CDKL5: variants seen among roughly 807,000 people sequenced by gnomAD.
CDKL5 encodes cyclin dependent kinase like 5.
A neutral mutation model predicts 61.7 loss-of-function variants in CDKL5; 8 were observed. The observed-to-expected ratio is 0.13, with a 90% CI of 0.08 to 0.23. The LOEUF is 0.23. Among genes scored for constraint, CDKL5 ranks in the 10% least tolerant of loss-of-function variants. The pLI is 1.00. For missense variants in CDKL5, 440 were observed against 734.5 expected, an observed-to-expected ratio of 0.60 and a Z score of 4.63; for synonymous variants, 275 against 272.3, an observed-to-expected ratio of 1.01 and a Z score of -0.10.
intron 1 of CDKL5, among the ~76,000 whole-genome samples, chrX:18,440,090 T>C (rs1178881205): frequency 1.8e-5 from 2 of 110,953 alleles, no homozygotes; most frequent in African/African-American, 6.6e-5. Context: ...TTTCTTAAAA[T>C]AGGACAGCAA....
intron 20 of CDKL5, among the ~76,000 whole-genome samples, chrX:18,648,791 G>C (rs1395451477): frequency 9.0e-6 from 1 of 111,281 alleles, no homozygotes; most frequent in African/African-American, 3.3e-5. Context: ...TGTGGGTAAG[G>C]CCGAGAGAAC....
chrX:18,530,549 A>G (rs1221144288), intron 3 of CDKL5, among the ~76,000 whole-genome samples: 5 of 110,995 alleles, frequency 4.5e-5, no homozygotes, highest in Non-Finnish European at 9.4e-5. Context: ...GTATGCTTAC[A>G]TTACCCATCT....
At chrX:18,530,070 T>G (rs1002048066) in intron 3 of CDKL5, among the ~76,000 whole-genome samples, 3 of 110,935 alleles carry the variant, frequency 2.7e-5, no homozygotes, top group Admixed American at 9.6e-5. Context: ...GGCTCACGCC[T>G]GTAATCCCAG....
chrX:18,579,257 T>A (rs1925396577), intron 5 of CDKL5, among the ~76,000 whole-genome samples: 1 of 112,072 alleles, frequency 8.9e-6, no homozygotes, highest in African/African-American at 3.2e-5. Context: ...GCATGAATTT[T>A]AGTTATAATG....
chrX:18,607,874 T>C (rs1315054776), intron 12 of CDKL5, among the ~76,000 whole-genome samples: 2 of 112,075 alleles, frequency 1.8e-5, no homozygotes, highest in Non-Finnish European at 3.8e-5. Context: ...CTATGTTGGA[T>C]GAATTCCTGC....
chrX:18,507,797 T>A (rs748296058), intron 2 of CDKL5, among the ~76,000 whole-genome samples: 28 of 111,771 alleles, frequency 2.5e-4, no homozygotes, highest in Non-Finnish European at 5.1e-4. Flanking sequence ...ACCTGGTAAA[T>A]AAACAAATAA....
In CDKL5 at chrX:18,608,920, A is replaced by C; in HGVS notation, c.2046+8A>C. On this transcript the variant is annotated splice_region_variant and intron_variant, in intron 13 of 17. Transcript: ENST00000623535. ...ACACGCCAGAAGTCTGAGGTATGTC[A>C]CAATAAAATATGCCTGTAAACATTT... The C allele has an allele frequency of 9.3e-7, 1 of 1,077,392 alleles. No homozygotes were observed. The highest frequency in any genetic ancestry group is 1.3e-6 in the Non-Finnish European group (1 of 772,985). The allele number at this position is 1,077,392 out of a possible 1,213,427, so 88.8% of individuals were successfully genotyped here.
At chrX:18,642,226 A>G (rs1205795038), downstream of CDKL5, 1 of 1,087,710 alleles carries the variant, frequency 9.2e-7, no homozygotes, top group African/African-American at 1.8e-5. Context: ...TCCTTTCTGG[A>G]GCTAGCCCCA....
intron 14 of CDKL5, among the ~76,000 whole-genome samples, chrX:18,611,017 C>T (rs1488782171): frequency 8.9e-6 from 1 of 112,253 alleles, no homozygotes; most frequent in Non-Finnish European, 1.9e-5. Flanking sequence ...TTATTTAGGA[C>T]TAAATGTATA....
Position 18,452,164 on chromosome X carries a change from A to G in CDKL5, c.-163+26469A>G, listed in dbSNP as rs1004703237. ...GGTAGAGTACGGAAAATCAATTATA[A>G]TTAGGCTCAGACTCAAGGGGAAAAC... On this transcript the variant is annotated intron_variant, in intron 1 of 17. Coordinates refer to ENST00000623535, the MANE Select transcript of CDKL5 (RefSeq NM_001323289.2). Among the ~76,000 whole-genome samples the G allele has an allele frequency of 3.6e-5, 4 of 111,699 alleles. No homozygotes were observed. In the East Asian group the frequency reaches 1.1e-3, roughly 31 times the overall value.
At chrX:18,584,633 G>A (rs1015536481) in intron 8 of CDKL5, among the ~76,000 whole-genome samples, 3 of 111,424 alleles carry the variant, frequency 2.7e-5, no homozygotes, top group Admixed American at 1.9e-4. Context: ...CAGCTGGTAG[G>A]TCTTCTGGGA....
rs1274625881 is a variant in CDKL5, at chrX:18,639,282, C to T, written c.*10525C>T. Reference sequence around the variant, plus strand: ...GGAGAAAATATTTGCAAATCATATCCAATAAGGGAATTAGAATATACAAAG... The same window carrying T: ...GGAGAAAATATTTGCAAATCATATCTAATAAGGGAATTAGAATATACAAAG... On this transcript the variant is annotated 3_prime_UTR_variant, in exon 18 of 18. Transcript: ENST00000623535. 8.9e-6 allele frequency among the ~76,000 whole-genome samples: 1 copy of T among 112,068 alleles called. No homozygotes were observed. Among genetic ancestry groups the T allele is most frequent in the East Asian group, 2.8e-4 (1 of 3,609 alleles).
intron 16 of CDKL5, among the ~76,000 whole-genome samples, chrX:18,624,234 C>G (rs1207234061): frequency 1.8e-5 from 2 of 112,304 alleles, no homozygotes; most frequent in Admixed American, 1.9e-4. Context: ...GCTAGTTTGT[C>G]ATGTCTGATT....
chrX:18,488,497 G>A (rs1034877705), intron 1 of CDKL5, among the ~76,000 whole-genome samples: 4 of 111,714 alleles, frequency 3.6e-5, no homozygotes, highest in African/African-American at 9.8e-5. Flanking sequence ...GATAGCTTCT[G>A]ATGGGGGCTG....
At chrX:18,516,222 C>G (rs990914582) in intron 3 of CDKL5, among the ~76,000 whole-genome samples, 1 of 110,236 alleles carries the variant, frequency 9.1e-6, no homozygotes, top group African/African-American at 3.3e-5. Flanking sequence ...AACTCCTGAC[C>G]TCAAGTGATC....
chrX:18,574,700 C>T (rs1257921443), intron 4 of CDKL5, among the ~76,000 whole-genome samples: 1 of 111,072 alleles, frequency 9.0e-6, no homozygotes, highest in Non-Finnish European at 1.9e-5. Flanking sequence ...GACAGATGGA[C>T]ATGCCACAGG....
At chrX:18,529,558 G>A (rs1248236871) in intron 3 of CDKL5, among the ~76,000 whole-genome samples, 2 of 110,825 alleles carry the variant, frequency 1.8e-5, no homozygotes, top group Non-Finnish European at 3.8e-5. Flanking sequence ...AGGTCTACTG[G>A]TGACAAATTC....
At position 18,632,167 on chromosome X, in the gene CDKL5, A is replaced by G; in HGVS notation, c.*3410A>G. ...GCTCTGGCCTTGTTCTGTCCAGGCT[A>G]CAGTACTGCAGGTGTGATTTCTTCA... On this transcript the variant is annotated 3_prime_UTR_variant, in exon 18 of 18. Coordinates refer to ENST00000623535, the MANE Select transcript of CDKL5 (RefSeq NM_001323289.2). The G allele has an allele frequency of 5.4e-6, 4 of 745,816 alleles. No homozygotes were observed. The highest frequency in any genetic ancestry group is 6.3e-6 in the Non-Finnish European group (4 of 631,591). 61.5% of individuals were successfully genotyped at this position (745,816 alleles called of 1,213,427 possible).
chrX:18,449,654 CTTATTGTT>C (rs1385335679), intron 1 of CDKL5, among the ~76,000 whole-genome samples: 1 of 112,709 alleles, frequency 8.9e-6, no homozygotes, highest in Non-Finnish European at 1.9e-5. Flanking sequence ...ATGGTTTCTC[CTTATTGTT>C]TTTTTGTTGG....
Sources: gnomAD v4.1 joint callset for allele counts (sites outside exome capture counted in the v4.1 genomes callset) on GRCh38, gnomAD v4.1.1 for gene constraint, MANE v1.5 for transcripts, NCBI Gene and HGNC (gene_info 2026-07-23, HGNC 2026-07-21) for gene names.